Variants in ZNF536 observed in about 807,000 individuals in gnomAD.
ZNF536 encodes zinc finger protein 536.
In ZNF536, 13 loss-of-function variants were observed where a neutral mutation model predicts 84.5. The observed-to-expected ratio is 0.15, with a 90% confidence interval of 0.10 to 0.24. The LOEUF (loss-of-function observed/expected upper bound fraction) is 0.24, where lower values mean the gene tolerates loss of function less well. ZNF536 is among the 10% of genes least tolerant of loss of function. The pLI is 1.00. For missense variants in ZNF536, 1,536 were observed against 1,747.5 expected, an observed-to-expected ratio of 0.88 and a Z score of 2.16; for synonymous variants, 811 against 742.5, an observed-to-expected ratio of 1.09 and a Z score of -1.50.
chr19:30,539,144 CAGG>C (rs1315971523), intron 3 of ZNF536, among the ~76,000 whole-genome samples: 1 of 151,882 alleles, frequency 6.6e-6, no homozygotes, highest in East Asian at 1.9e-4. Context: ...CACACGCACA[CAGG>C]AGATTTATAA....
intron 2 of ZNF536, among the ~76,000 whole-genome samples, chr19:30,461,610 A>C (rs897956829): frequency 2.0e-5 from 3 of 152,162 alleles, no homozygotes; most frequent in African/African-American, 7.2e-5. Flanking sequence ...CCTAGTGTCT[A>C]AGACAGGGAG....
intron 4 of ZNF536, among the ~76,000 whole-genome samples, chr19:30,553,076 A>G (rs1187939803): frequency 6.6e-6 from 1 of 152,226 alleles, no homozygotes; most frequent in Non-Finnish European, 1.5e-5. Context: ...GTCAAAGAGC[A>G]TAATGTACAA....
At chr19:30,234,822 A>G (rs1394470686) in intron 1 of ZNF536, among the ~76,000 whole-genome samples, 1 of 152,146 alleles carries the variant, frequency 6.6e-6, no homozygotes, top group Non-Finnish European at 1.5e-5. Flanking sequence ...AGGTTGTGAA[A>G]GCCCACCTAA....
intron 1 of ZNF536, among the ~76,000 whole-genome samples, chr19:30,613,894 A>G (rs376487831): frequency 1.2e-4 from 18 of 152,218 alleles, no homozygotes; most frequent in African/African-American, 4.1e-4. Flanking sequence ...ACAGTGTATC[A>G]CTCTGTTGTC....
intron 4 of ZNF536, chr19:30,554,155 GA>G (rs1167184084): frequency 6.8e-6 from 1 of 147,166 alleles, no homozygotes; most frequent in Non-Finnish European, 1.5e-5. Context: ...GTGATGAGAT[GA>G]ACCAGGACAA....
At chr19:30,506,469 G>A (rs567738004) in intron 2 of ZNF536, among the ~76,000 whole-genome samples, 41 of 152,354 alleles carry the variant, frequency 2.7e-4, no homozygotes, top group African/African-American at 9.4e-4. Context: ...TTTGAATGAT[G>A]CTGTTCCCCA....
chr19:30,709,558 T>G (rs769032558), intron 1 of ZNF536, among the ~76,000 whole-genome samples: 4 of 152,262 alleles, frequency 2.6e-5, no homozygotes, highest in Non-Finnish European at 4.4e-5. Context: ...ATGGTCTTTG[T>G]GCAGAATTGG....
chr19:30,645,970 G>A (rs530852483), intron 1 of ZNF536, among the ~76,000 whole-genome samples: 1 of 152,058 alleles, frequency 6.6e-6, no homozygotes, highest in Non-Finnish European at 1.5e-5. Context: ...TAAGCTTTGG[G>A]TTGGAGCCCT....
At chr19:30,594,892 G>A (rs1014805567) in intron 1 of ZNF536, among the ~76,000 whole-genome samples, 8 of 152,088 alleles carry the variant, frequency 5.3e-5, no homozygotes, top group African/African-American at 1.9e-4. Flanking sequence ...CCCTCTCCTG[G>A]AAACCTCTGT....
intron 3 of ZNF536, among the ~76,000 whole-genome samples, chr19:30,545,494 T>C (rs1599755386): frequency 1.4e-5 from 2 of 144,224 alleles, no homozygotes; most frequent in Admixed American, 1.4e-4. Flanking sequence ...GCCTCCCGGG[T>C]TTACGCCATT....
In ZNF536 at chr19:30,359,443, G is replaced by A. The variant is rs139113176; in HGVS notation, c.-3+6959G>A. 1.7e-3 allele frequency among the ~76,000 whole-genome samples: 257 copies of A among 152,340 alleles called. 2 individuals carry two copies. Among genetic ancestry groups the A allele is most frequent in the Non-Finnish European group, 9.1e-4 (62 of 68,028 alleles). On this transcript the variant is annotated intron_variant, in intron 3 of 5. Coordinates refer to the ZNF536 transcript ENST00000585628. The stretch of plus-strand genomic sequence containing the variant: ...TTCTCCTGCTGCTGAATATGGCTGC[G>A]CCACAGGGAGGCCAGCGACCGTTCC...
chr19:30,335,866 A>G (rs1319848746), intron 2 of ZNF536, among the ~76,000 whole-genome samples: 1 of 152,172 alleles, frequency 6.6e-6, no homozygotes, highest in Non-Finnish European at 1.5e-5. Context: ...AGCCACCAAG[A>G]ACCAGCAGGT....
rs1178807302 is a variant in ZNF536 at position 30,287,037 on chromosome 19, C to A, written c.-120+2896C>A. Reference sequence around the variant, plus strand: ...GCAGGAAGCATTTTAGTGACCTACTCCTTTACTGGTTTCTGGTCTGTCTCT... The same window carrying A: ...GCAGGAAGCATTTTAGTGACCTACTACTTTACTGGTTTCTGGTCTGTCTCT... On this transcript the variant is annotated intron_variant, in intron 2 of 5. Coordinates refer to the ZNF536 transcript ENST00000585628. 1.1e-4 allele frequency among the ~76,000 whole-genome samples: 16 copies of A among 152,304 alleles called. No individual in the cohort carries two copies. The East Asian group carries it at 2.1e-3, about 20-fold the overall frequency.
intron 1 of ZNF536, among the ~76,000 whole-genome samples, chr19:30,589,521 T>C (rs928576510): frequency 6.6e-6 from 1 of 152,246 alleles, no homozygotes; most frequent in Non-Finnish European, 1.5e-5. Context: ...CTCCTTCTAC[T>C]GGCAGCCCTC....
chr19:30,574,452 C>T (rs1245540252), intron 1 of ZNF536, among the ~76,000 whole-genome samples: 1 of 152,212 alleles, frequency 6.6e-6, no homozygotes, highest in African/African-American at 2.4e-5. Flanking sequence ...TTGTGGGTGG[C>T]CCCCATTAGG....
intron 1 of ZNF536, among the ~76,000 whole-genome samples, chr19:30,581,528 G>A (rs944106124): frequency 6.6e-6 from 1 of 152,222 alleles, no homozygotes; most frequent in East Asian, 1.9e-4. Context: ...TGAAGATTTG[G>A]CTTTGAGGAC....
At chr19:30,432,720 A>C (rs552621142) in intron 1 of ZNF536, among the ~76,000 whole-genome samples, 108 of 152,260 alleles carry the variant, frequency 7.1e-4, no homozygotes, top group Non-Finnish European at 9.7e-4. Context: ...CTGGTTTACC[A>C]TCTTCTCTGA....
chr19:30,458,445 C>CTTTTTTTTTTTTTTTTTTTTTTTTTTTT (rs1568451738), intron 2 of ZNF536, among the ~76,000 whole-genome samples: 1 of 93,692 alleles, frequency 1.1e-5, no homozygotes, highest in African/African-American at 5.8e-5. Context: ...CAATTTCCTG[C>CTTTTTTTTTTTTTTTTTTTTTTTTTTTT]TGTTTTTTTT....
At chr19:30,551,748 C>A (rs1214996809) in intron 4 of ZNF536, among the ~76,000 whole-genome samples, 1 of 152,170 alleles carries the variant, frequency 6.6e-6, no homozygotes, top group Non-Finnish European at 1.5e-5. Flanking sequence ...GTTCTGCATT[C>A]CATTTGGCCC....
Sources: allele counts gnomAD v4.1 joint callset (sites outside exome capture counted in the v4.1 genomes callset), GRCh38; gene constraint gnomAD v4.1.1; transcripts MANE v1.5; gene names NCBI Gene and HGNC (gene_info 2026-07-23, HGNC 2026-07-21).